KCND3: variants seen among roughly 807,000 people sequenced by gnomAD.
KCND3 encodes the protein A-type voltage-gated potassium channel KCND3.
KCND3 carries 9 observed loss-of-function variants against 51.1 expected under a neutral mutation model. That is an observed-to-expected ratio of 0.18 (90% CI 0.11 to 0.31). The LOEUF (loss-of-function observed/expected upper bound fraction) is 0.31, where lower values mean the gene tolerates loss of function less well. KCND3 is among the 10% of genes least tolerant of loss of function. KCND3 has a pLI of 1.00. For synonymous variants in KCND3, 349 were observed against 368.0 expected, an observed-to-expected ratio of 0.95 and a Z score of 0.59; for missense variants, 526 against 903.8, an observed-to-expected ratio of 0.58 and a Z score of 5.36.
intron 2 of KCND3, among the ~76,000 whole-genome samples, chr1:111,836,744 T>G (rs1297775679): frequency 6.6e-6 from 1 of 152,176 alleles, no homozygotes; most frequent in Non-Finnish European, 1.5e-5. Flanking sequence ...CCCTGAGCCA[T>G]TTTATGGCTC....
rs528157411 is a variant in KCND3 at position 111,961,337 on chromosome 1, T to G, written c.1106+20284A>C. 4.6e-5 allele frequency among the ~76,000 whole-genome samples: 7 copies of G among 152,348 alleles called. No homozygotes were observed. In the South Asian group the frequency reaches 1.4e-3, roughly 32 times the overall value. ...TGGTCTTTGTTGAATATGTCCAATT[T>G]CCTGACCAACTCATCCCTGATAAAT... On this transcript the variant is annotated intron_variant, in intron 2 of 7. Coordinates refer to ENST00000302127, the MANE Select transcript of KCND3 (RefSeq NM_001378969.1).
At chr1:111,944,378 G>T (rs948553799) in intron 2 of KCND3, among the ~76,000 whole-genome samples, 1 of 152,236 alleles carries the variant, frequency 6.6e-6, no homozygotes, top group Admixed American at 6.5e-5. Flanking sequence ...GCCAAATGGT[G>T]CCCTTGATTG....
rs535498863 is a variant in KCND3, at chr1:111,907,544, T to A, written c.1106+74077A>T. On this transcript the variant is annotated intron_variant, in intron 2 of 7. Transcript: ENST00000302127. ...TAAGTGACTGCAGCTCTGGCTGACA[T>A]CCTGACTACAATCACGTGAGGGTTC... is the stretch of plus-strand genomic sequence containing the variant. Among the ~76,000 whole-genome samples, 90 of 152,306 alleles carry A rather than the reference T, an allele frequency of 5.9e-4. 3 individuals are homozygous for A. The South Asian group carries it at 0.018, about 31-fold the overall frequency.
chr1:111,965,446 AC>A (rs1320377999), intron 2 of KCND3, among the ~76,000 whole-genome samples: 10,499 of 134,256 alleles, frequency 0.078, 526 homozygotes, highest in Non-Finnish European at 0.11. Flanking sequence ...AACCACACAC[AC>A]ACACACACAC....
At chr1:111,918,324 C>G (rs146096976) in intron 2 of KCND3, among the ~76,000 whole-genome samples, 1 of 152,038 alleles carries the variant, frequency 6.6e-6, no homozygotes, top group Non-Finnish European at 1.5e-5. Context: ...GAGCAGAGCT[C>G]GGAAGAGACC....
In KCND3 at chr1:111,839,128, G is replaced by A. The variant is rs180887389; in HGVS notation, c.1107-52022C>T. On this transcript the variant is annotated intron_variant, in intron 2 of 7. Coordinates refer to ENST00000302127, the MANE Select transcript of KCND3 (RefSeq NM_001378969.1). ...GACATCAGGCTGATCAACCCAGAAC[G>A]AGAATCTTGCTTTTTGAAAAAGCTG... is the stretch of plus-strand genomic sequence containing the variant. Among the ~76,000 whole-genome samples, 9 of 152,284 alleles carry A rather than the reference G, an allele frequency of 5.9e-5. No individual in the cohort carries two copies. The East Asian group carries it at 1.3e-3, about 23-fold the overall frequency.
At chr1:111,806,279 T>G (rs1041999302) in intron 2 of KCND3, among the ~76,000 whole-genome samples, 1 of 152,272 alleles carries the variant, frequency 6.6e-6, no homozygotes, top group Admixed American at 6.5e-5. Flanking sequence ...GACACTCCTG[T>G]TGATGCGGAA....
Position 111,776,162 on chromosome 1 carries a change from T to C in KCND3, c.1883A>G (p.Glu628Gly), listed in dbSNP as rs939370048. Residue 628 changes from glutamate (E) to glycine (G), a missense_variant, in exon 8 of 8, where the codon GAA (glutamate) becomes GGA (glycine). Physicochemically the swap from Glu to Gly is moderately conservative, Grantham distance 98. Around this residue, in one of 5 missense-constraint regions of KCND3, gnomAD observed 266 missense variants for 305.5 expected, o/e 0.87. Coordinates refer to ENST00000302127, the MANE Select transcript of KCND3 (RefSeq NM_001378969.1). Reference sequence around the variant, plus strand: ...TGGGCTGGCAGGGGGTGGCCGACTTTCCCCCTCTGGGGTTAGCGCTGGGGG... The same window carrying C: ...TGGGCTGGCAGGGGGTGGCCGACTTCCCCCCTCTGGGGTTAGCGCTGGGGG... ...PTPPALTPEG[E>G]SRPPPASPGP... is the part of the protein sequence containing the mutation. The C allele has an allele frequency of 6.2e-7, 1 of 1,614,008 alleles. No homozygotes were observed. The highest frequency in any genetic ancestry group is 1.3e-5 in the African/African-American group (1 of 74,900).
chr1:111,943,840 G>A (rs915666119), intron 2 of KCND3, among the ~76,000 whole-genome samples: 1 of 152,226 alleles, frequency 6.6e-6, no homozygotes, highest in East Asian at 1.9e-4. Flanking sequence ...TGCTGAGGAA[G>A]TTGACTCGGC....
intron 2 of KCND3, among the ~76,000 whole-genome samples, chr1:111,894,044 T>C (rs1669982730): frequency 6.6e-6 from 1 of 152,196 alleles, no homozygotes; most frequent in Non-Finnish European, 1.5e-5. Flanking sequence ...TTTTAAAGCA[T>C]GAACAAGATC....
intron 2 of KCND3, among the ~76,000 whole-genome samples, chr1:111,861,077 A>G (rs1323048577): frequency 2.0e-5 from 3 of 151,920 alleles, no homozygotes; most frequent in African/African-American, 7.3e-5. Context: ...CCCATTTCCA[A>G]AGGGCTTCAT....
At chr1:111,830,464 G>T (rs1666786298) in intron 2 of KCND3, among the ~76,000 whole-genome samples, 1 of 152,128 alleles carries the variant, frequency 6.6e-6, no homozygotes, top group Admixed American at 6.5e-5. Context: ...GCCTGACCAG[G>T]CTAGGACCCA....
chr1:111,870,371 C>T (rs970614848), intron 2 of KCND3, among the ~76,000 whole-genome samples: 3 of 152,206 alleles, frequency 2.0e-5, no homozygotes, highest in African/African-American at 7.2e-5. Context: ...GGGGACTTCT[C>T]ATTCTGATGC....
intron 2 of KCND3, among the ~76,000 whole-genome samples, chr1:111,977,698 C>T (rs1421183529): frequency 2.0e-5 from 3 of 152,212 alleles, no homozygotes; most frequent in Non-Finnish European, 4.4e-5. Context: ...TTTACTCTCA[C>T]ATGCTCTCCT....
rs191285717 is a variant in KCND3 at position 111,819,119 on chromosome 1, T to A, written c.1107-32013A>T. Among the ~76,000 whole-genome samples, 7 of 152,236 alleles carry A rather than the reference T, an allele frequency of 4.6e-5. No homozygotes were observed. In the East Asian group the frequency reaches 1.2e-3, roughly 25 times the overall value. On this transcript the variant is annotated intron_variant, in intron 2 of 7. Coordinates refer to ENST00000302127, the MANE Select transcript of KCND3 (RefSeq NM_001378969.1). ...TTCTTGCTTTTAGGAGAGCTCACAC[T>A]TCCCCATGTGTGACCACAAGTGTGC...
intron 2 of KCND3, among the ~76,000 whole-genome samples, chr1:111,882,668 C>A (rs536026123): frequency 6.6e-6 from 1 of 151,998 alleles, no homozygotes; most frequent in Admixed American, 6.6e-5. Flanking sequence ...AGGAGAGCAG[C>A]GGCTGTGCTG....
intron 2 of KCND3, among the ~76,000 whole-genome samples, chr1:111,863,404 C>A (rs1188531281): frequency 6.6e-6 from 1 of 151,528 alleles, no homozygotes; most frequent in Non-Finnish European, 1.5e-5. Context: ...GGTGGGGTTG[C>A]AAAGGAAAGT....
intron 2 of KCND3, among the ~76,000 whole-genome samples, chr1:111,866,347 C>T (rs554287188): frequency 6.6e-6 from 1 of 150,418 alleles, no homozygotes; most frequent in South Asian, 2.1e-4. Flanking sequence ...TCACTCCAAC[C>T]TCGACCTCCC....
chr1:111,878,545 G>A (rs1374175349), intron 2 of KCND3, among the ~76,000 whole-genome samples: 4 of 152,222 alleles, frequency 2.6e-5, no homozygotes, highest in Admixed American at 2.6e-4. Context: ...AGGAAAAGAA[G>A]GGGTAAGGAG....
Sources: allele counts gnomAD v4.1 joint callset (sites outside exome capture counted in the v4.1 genomes callset), GRCh38; gene constraint gnomAD v4.1.1; regional missense constraint gnomAD v4.1.1; transcripts MANE v1.5; gene names NCBI Gene and HGNC (gene_info 2026-07-23, HGNC 2026-07-21).